Variants in RFX7 observed in about 807,000 individuals in gnomAD.
RFX7 encodes DNA-binding protein RFX7.
A neutral mutation model predicts 111.8 loss-of-function variants in RFX7; 26 were observed. The ratio of observed to expected loss-of-function variants is 0.23; its 90% confidence interval spans 0.17 to 0.32. The LOEUF (loss-of-function observed/expected upper bound fraction) is 0.32. Among genes scored for constraint, RFX7 ranks in the 10% least tolerant of loss-of-function variants. The pLI is 1.00. For synonymous variants in RFX7, 624 were observed against 624.4 expected, an observed-to-expected ratio of 1.00 and a Z score of 0.01; for missense variants, 1,573 against 1,772.9, an observed-to-expected ratio of 0.89 and a Z score of 2.02.
At chr15:56,137,348 G>A (rs1386484660) in intron 5 of RFX7, among the ~76,000 whole-genome samples, 1 of 152,176 alleles carries the variant, frequency 6.6e-6, no homozygotes, top group African/African-American at 2.4e-5. Context: ...TCTTGGGAGA[G>A]TGTATGTGTC....
chr15:56,134,142 A>G (rs1204529332), intron 5 of RFX7, among the ~76,000 whole-genome samples: 16 of 152,288 alleles, frequency 1.1e-4, no homozygotes, highest in Admixed American at 7.8e-4. Context: ...GAACTCACTC[A>G]TGAAATCTGA....
intron 3 of RFX7, among the ~76,000 whole-genome samples, chr15:56,164,391 C>T (rs2042759645): frequency 6.6e-6 from 1 of 152,200 alleles, no homozygotes. Flanking sequence ...CAGACTATAT[C>T]TGAGCAATCA....
At chr15:56,155,101 G>C (rs2042634177) in intron 3 of RFX7, among the ~76,000 whole-genome samples, 1 of 152,160 alleles carries the variant, frequency 6.6e-6, no homozygotes, top group African/African-American at 2.4e-5. Context: ...AGTTAGAATG[G>C]CGATCATTAA....
At chr15:56,221,126 G>A (rs1015388308) in intron 2 of RFX7, among the ~76,000 whole-genome samples, 51 of 152,124 alleles carry the variant, frequency 3.4e-4, no homozygotes, top group Non-Finnish European at 1.3e-4. Flanking sequence ...GATGCCTCCC[G>A]CTTTGTTCAT....
intron 2 of RFX7, among the ~76,000 whole-genome samples, chr15:56,211,242 A>G (rs2043310528): frequency 1.3e-5 from 2 of 152,158 alleles, no homozygotes. Context: ...TTTTCAGAAG[A>G]GTCACAGAAA....
chr15:56,158,727 T>A (rs141376069), intron 3 of RFX7, among the ~76,000 whole-genome samples: 1 of 152,128 alleles, frequency 6.6e-6, no homozygotes, highest in African/African-American at 2.4e-5. Flanking sequence ...GAGGCTAAAG[T>A]GGTACAATTG....
At chr15:56,213,791 A>G (rs2043335699) in intron 2 of RFX7, among the ~76,000 whole-genome samples, 1 of 152,198 alleles carries the variant, frequency 6.6e-6, no homozygotes. Context: ...ATACATATGT[A>G]ATCATTTCCT....
chr15:56,213,211 G>C (rs1017275077), intron 2 of RFX7, among the ~76,000 whole-genome samples: 5 of 152,162 alleles, frequency 3.3e-5, no homozygotes, highest in African/African-American at 1.2e-4. Flanking sequence ...GAGAAATGCA[G>C]ATTATGTTCA....
At chr15:56,125,119 C>T (rs759559665) in intron 5 of RFX7, among the ~76,000 whole-genome samples, 12 of 152,136 alleles carry the variant, frequency 7.9e-5, no homozygotes, top group Admixed American at 3.9e-4. Context: ...CTGTCCTTTC[C>T]CCACTGAGTG....
intron 2 of RFX7, among the ~76,000 whole-genome samples, chr15:56,214,704 G>C (rs1271414954): frequency 2.8e-4 from 37 of 131,728 alleles, no homozygotes; most frequent in African/African-American, 9.7e-4. Flanking sequence ...AAAAGAGCGA[G>C]ACTCTGTCTC....
At chr15:56,179,495 G>A (rs1327812769) in intron 2 of RFX7, among the ~76,000 whole-genome samples, 192 bp from the exon 3 acceptor site, 4 of 152,006 alleles carry the variant, frequency 2.6e-5, no homozygotes, top group African/African-American at 9.7e-5. Flanking sequence ...CCCATTTACT[G>A]TACTAAATTT....
chr15:56,149,511 C>G (rs567441289), intron 3 of RFX7, among the ~76,000 whole-genome samples: 3 of 152,354 alleles, frequency 2.0e-5, no homozygotes, highest in Non-Finnish European at 4.4e-5. Context: ...CCTGGTTCAT[C>G]TCACTGGGAC....
At chr15:56,148,544 C>G (rs1266871659) in intron 3 of RFX7, among the ~76,000 whole-genome samples, 1 of 152,128 alleles carries the variant, frequency 6.6e-6, no homozygotes, top group Admixed American at 6.5e-5. Context: ...TGTTTGAATC[C>G]TGCCACGCAA....
Position 56,178,668 on chromosome 15 carries a change from C to T in RFX7, c.195+602G>A, listed in dbSNP as rs368129769. ...CCAGTAGCTGCAATGCTCCTTCCCT[C>T]ACACGTTTAAAAGAAGACCTATGAA... On this transcript the variant is annotated intron_variant, in intron 3 of 9. Coordinates refer to ENST00000559447, the MANE Select transcript of RFX7 (RefSeq NM_022841.7). Among the ~76,000 whole-genome samples the T allele has an allele frequency of 1.3e-5, 2 of 152,266 alleles. 1 individual carries two copies.
intron 2 of RFX7, among the ~76,000 whole-genome samples, chr15:56,189,683 C>T (rs1486274203): frequency 6.6e-6 from 1 of 152,118 alleles, no homozygotes; most frequent in Non-Finnish European, 1.5e-5. Context: ...ATCAAAATCG[C>T]AACAATACAC....
intron 3 of RFX7, among the ~76,000 whole-genome samples, chr15:56,171,622 TC>T (rs2141110384): frequency 6.6e-6 from 1 of 152,312 alleles, no homozygotes; most frequent in South Asian, 2.1e-4. Context: ...CTTAGTTTTA[TC>T]CCCGTGAAAC....
chr15:56,128,758 G>T (rs774429833), intron 5 of RFX7, among the ~76,000 whole-genome samples: 4 of 152,008 alleles, frequency 2.6e-5, no homozygotes, highest in Admixed American at 6.5e-5. Context: ...GATTAGAAAG[G>T]AAGAGGTAAA....
At chr15:56,179,841 G>A (rs1291862958) in intron 2 of RFX7, among the ~76,000 whole-genome samples, 1 of 139,832 alleles carries the variant, frequency 7.2e-6, no homozygotes, top group Non-Finnish European at 1.5e-5. Flanking sequence ...AGACATAAAA[G>A]CAATAATAAA....
intron 2 of RFX7, chr15:56,192,635 G>T: frequency 5.3e-6 from 1 of 189,616 alleles, no homozygotes. Context: ...TGAGACAGCT[G>T]ACAATAAACC....
Sources: allele counts gnomAD v4.1 joint callset (sites outside exome capture counted in the v4.1 genomes callset), GRCh38; gene constraint gnomAD v4.1.1; transcripts MANE v1.5; gene names NCBI Gene and HGNC (gene_info 2026-07-23, HGNC 2026-07-21).